The following SRPK2 variants were observed in gnomAD, a reference collection of about 807,000 sequenced individuals.
The protein encoded by SRPK2 is SFRS protein kinase 2.
Under a neutral mutation model 90.8 loss-of-function variants are expected in SRPK2, and 21 were observed. The observed-to-expected ratio is 0.23, with a 90% CI of 0.16 to 0.33. The LOEUF (loss-of-function observed/expected upper bound fraction) is 0.33. Ranked by LOEUF, SRPK2 falls within the 10% of genes least tolerant of loss-of-function variation. The pLI, the probability that SRPK2 is intolerant of heterozygous loss-of-function variation, is 1.00. For synonymous variants in SRPK2, 288 were observed against 311.1 expected (o/e 0.93, Z 0.78); for missense variants, 620 against 869.0 (o/e 0.71, Z 3.60).
intron 2 of SRPK2, among the ~76,000 whole-genome samples, chr7:105,310,073 A>T (rs1333394260): frequency 6.6e-6 from 1 of 152,214 alleles, no homozygotes; most frequent in Non-Finnish European, 1.5e-5. Flanking sequence ...AGTAGGTCTA[A>T]GCCAAACAGA....
At chr7:105,212,480 C>A (rs1796975652) in intron 2 of SRPK2, among the ~76,000 whole-genome samples, 1 of 152,060 alleles carries the variant, frequency 6.6e-6, no homozygotes, top group Non-Finnish European at 1.5e-5. Context: ...TCTCAGGGAA[C>A]CACATCATCA....
At chr7:105,187,452 T>C (rs1585104022) in intron 3 of SRPK2, among the ~76,000 whole-genome samples, 1 of 152,220 alleles carries the variant, frequency 6.6e-6, no homozygotes, top group South Asian at 2.1e-4. Flanking sequence ...TTTGCTAATA[T>C]ATCCTCACCT....
intron 11 of SRPK2, among the ~76,000 whole-genome samples, chr7:105,141,495 T>C (rs1803769678): frequency 6.6e-6 from 1 of 152,184 alleles, no homozygotes; most frequent in South Asian, 2.1e-4. Flanking sequence ...TTTAAATCCA[T>C]GCCAATTCCT....
rs56112661 is a variant in SRPK2 at position 105,142,061 on chromosome 7, G to T, written c.1490C>A (p.Ser497Tyr). 6.2e-7 allele frequency: 1 copy of T among 1,614,046 alleles called. No individual in the cohort carries two copies. Among genetic ancestry groups the T allele is most frequent in the African/African-American group, 1.3e-5 (1 of 74,902 alleles). ...TGAAACCGTTCTGCTTCTGTCATGG[G>T]ATGGACTGCTCTCCTCTTGCTCAGT... The part of the protein sequence containing the change: ...PLTEQEESSP[S>Y]HDRSRTVSAS... The change falls in exon 11 of 16, where the codon TCC becomes TAC. Residue 497 changes from serine (S) to tyrosine (Y), a missense_variant. Physicochemically the swap from Ser to Tyr is moderately radical, Grantham distance 144 (BLOSUM62 -2). Transcript: ENST00000393651.
At chr7:105,195,222 TG>T (rs921080880) in intron 3 of SRPK2, among the ~76,000 whole-genome samples, 1 of 152,186 alleles carries the variant, frequency 6.6e-6, no homozygotes, top group Non-Finnish European at 1.5e-5. Flanking sequence ...GCTAATTTTT[TG>T]TATCTTTAGT....
intron 3 of SRPK2, among the ~76,000 whole-genome samples, chr7:105,183,617 G>A (rs1793178669): frequency 1.3e-5 from 2 of 152,122 alleles, no homozygotes; most frequent in African/African-American, 4.8e-5. Flanking sequence ...CTCCAGAGTA[G>A]CTAGGAGTAC....
At chr7:105,243,466 G>A (rs1353839992) in intron 2 of SRPK2, among the ~76,000 whole-genome samples, 1 of 152,090 alleles carries the variant, frequency 6.6e-6, no homozygotes, top group East Asian at 1.9e-4. Context: ...GAGGTCAGGA[G>A]TTCAAGACTA....
intron 13 of SRPK2, among the ~76,000 whole-genome samples, chr7:105,131,177 A>C (rs1188186280): frequency 6.6e-6 from 1 of 152,224 alleles, no homozygotes; most frequent in Non-Finnish European, 1.5e-5. Flanking sequence ...CAGAGTTCAA[A>C]GAGTACTTAG....
chr7:105,144,622 GAAC>G (rs912258002), intron 9 of SRPK2, among the ~76,000 whole-genome samples: 2 of 152,126 alleles, frequency 1.3e-5, no homozygotes, highest in Middle Eastern at 3.2e-3. Flanking sequence ...GAAAAAATTA[GAAC>G]AACAGCTTCA....
chr7:105,281,227 G>A (rs1807289930), intron 2 of SRPK2, among the ~76,000 whole-genome samples: 1 of 151,620 alleles, frequency 6.6e-6, no homozygotes, highest in Non-Finnish European at 1.5e-5. Context: ...CTCCCGAGTA[G>A]CTGGGATTAC....
At position 105,217,628 on chromosome 7, in the gene SRPK2, T is replaced by G. The variant is rs1454945597; in HGVS notation, c.72-13843A>C. On this transcript the variant is annotated intron_variant, in intron 2 of 15. Coordinates refer to ENST00000393651, the MANE Select transcript of SRPK2 (RefSeq NM_182692.3). Reference sequence around the variant, plus strand: ...TCCTTCCCTTGTGTCATGAATCTTGTGATTCTAACCCACAGTTCCAAATTC... The same window carrying G: ...TCCTTCCCTTGTGTCATGAATCTTGGGATTCTAACCCACAGTTCCAAATTC... Among the ~76,000 whole-genome samples, 6 of 152,368 alleles carry G rather than the reference T, an allele frequency of 3.9e-5. No individual in the cohort carries two copies. In the East Asian group the frequency reaches 1.2e-3, roughly 29 times the overall value.
chr7:105,181,680 A>G (rs545240662), intron 3 of SRPK2, among the ~76,000 whole-genome samples: 1 of 152,222 alleles, frequency 6.6e-6, no homozygotes, highest in Admixed American at 6.5e-5. Flanking sequence ...GAACACAAAG[A>G]CACAAAGAGG....
At chr7:105,177,147 A>C (rs1397971392) in intron 3 of SRPK2, among the ~76,000 whole-genome samples, 1 of 152,198 alleles carries the variant, frequency 6.6e-6, no homozygotes, top group Non-Finnish European at 1.5e-5. Flanking sequence ...AAAAACACAT[A>C]AAAAAGAGCT....
At chr7:105,161,739 A>G (rs1353212965) in intron 6 of SRPK2, among the ~76,000 whole-genome samples, 2 of 152,238 alleles carry the variant, frequency 1.3e-5, no homozygotes, top group Non-Finnish European at 2.9e-5. Context: ...AACACATTAT[A>G]AAATAAAAAT....
chr7:105,306,922 G>T (rs1460553028), intron 2 of SRPK2, among the ~76,000 whole-genome samples: 1 of 152,170 alleles, frequency 6.6e-6, no homozygotes, highest in East Asian at 1.9e-4. Context: ...CTTATGGAAA[G>T]CTGTCAAGTT....
chr7:105,162,406 T>A (rs1323667335), intron 6 of SRPK2, among the ~76,000 whole-genome samples: 1 of 152,178 alleles, frequency 6.6e-6, no homozygotes, highest in Non-Finnish European at 1.5e-5. Context: ...CCAATTTCAT[T>A]ATATATTCAT....
At chr7:105,276,110 C>T (rs373686535) in intron 2 of SRPK2, among the ~76,000 whole-genome samples, 1 of 151,426 alleles carries the variant, frequency 6.6e-6, no homozygotes, top group South Asian at 2.1e-4. Flanking sequence ...GGGACAGAGT[C>T]TTGCTCTGTC....
rs137999848 is a variant in SRPK2, at chr7:105,356,329, T to C, written c.71+32319A>G. Among the ~76,000 whole-genome samples the C allele has an allele frequency of 1.9e-3, 282 of 152,090 alleles. 1 individual carries two copies. The highest frequency in any genetic ancestry group is 6.6e-3 in the African/African-American group (272 of 41,494). The stretch of plus-strand genomic sequence containing the variant: ...CTCCATCCTGGAGCATGAAGGAAAC[T>C]AGAGAGAAACCCAAACAATGTGAAC... On this transcript the variant is annotated intron_variant, in intron 2 of 15. Transcript: ENST00000393651.
At chr7:105,124,089 G>A (rs1584863437) in intron 15 of SRPK2, among the ~76,000 whole-genome samples, 2 of 152,186 alleles carry the variant, frequency 1.3e-5, no homozygotes, top group African/African-American at 2.4e-5. Flanking sequence ...ACAGGCCCAC[G>A]TGGAAGCTGC....
Sources: allele counts gnomAD v4.1 joint callset (sites outside exome capture counted in the v4.1 genomes callset), GRCh38; gene constraint gnomAD v4.1.1; transcripts MANE v1.5; gene names NCBI Gene and HGNC (gene_info 2026-07-23, HGNC 2026-07-21).